The following GPHN variants were observed in gnomAD, a reference collection of about 807,000 sequenced individuals.
GPHN encodes gephyrin.
GPHN carries 17 observed loss-of-function variants against 95.5 expected under a neutral mutation model. That is an observed-to-expected ratio of 0.18 (90% CI 0.12 to 0.27). The LOEUF (loss-of-function observed/expected upper bound fraction) is 0.27, where lower values mean the gene tolerates loss of function less well. Among genes scored for constraint, GPHN ranks in the 10% least tolerant of loss-of-function variants. The probability of loss-of-function intolerance (pLI) is 1.00; values close to 1 mark genes in which losing one functional copy is unlikely to be tolerated. For missense variants in GPHN, 660 were observed against 978.1 expected, an observed-to-expected ratio of 0.67 and a Z score of 4.34; for synonymous variants, 320 against 322.5, an observed-to-expected ratio of 0.99 and a Z score of 0.08.
At chr14:67,618,120 G>A in the GPHN span, among the ~76,000 whole-genome samples, 1 of 152,208 alleles carries the variant, frequency 6.6e-6, no homozygotes, top group Admixed American at 6.5e-5. Flanking sequence ...ATTGAATGTA[G>A]TGATGGGCAA....
Position 67,076,833 on chromosome 14 carries a change from A to G in GPHN, c.1145-12150A>G, listed in dbSNP as rs563389410. On this transcript the variant is annotated intron_variant, in intron 11 of 22. Transcript: ENST00000478722. ...TTTTCCTTTCAGCATTCTATTACCTACCACACTCTTTCTCCACTCTCGATT... is the reference window on the plus strand; with the variant it reads ...TTTTCCTTTCAGCATTCTATTACCTGCCACACTCTTTCTCCACTCTCGATT... Among the ~76,000 whole-genome samples, 6 of 152,136 alleles carry G rather than the reference A, an allele frequency of 3.9e-5. No homozygotes were observed. The South Asian group carries it at 1.2e-3, about 32-fold the overall frequency.
chr14:67,350,375 C>G, the GPHN span, among the ~76,000 whole-genome samples: 4 of 151,974 alleles, frequency 2.6e-5, no homozygotes, highest in African/African-American at 9.7e-5. Flanking sequence ...TATGATACAA[C>G]GTTAAATGAA....
the GPHN span, chr14:67,208,217 A>G: frequency 6.2e-7 from 1 of 1,612,870 alleles, no homozygotes; most frequent in Non-Finnish European, 8.5e-7. Flanking sequence ...ATTGAAAAAC[A>G]TTCTGAAGCC....
chr14:67,404,641 C>A, the GPHN span, among the ~76,000 whole-genome samples: 1 of 151,816 alleles, frequency 6.6e-6, no homozygotes, highest in African/African-American at 2.4e-5. Context: ...AATACCTAGT[C>A]TCTACAAATA....
chr14:66,676,057 T>C (rs550312989), intron 1 of GPHN, among the ~76,000 whole-genome samples: 141 of 150,938 alleles, frequency 9.3e-4, no homozygotes, highest in Middle Eastern at 3.4e-3. Context: ...TACACACACA[T>C]ATATATATAT....
chr14:67,041,917 G>A (rs186873308), intron 10 of GPHN, among the ~76,000 whole-genome samples: 2 of 152,200 alleles, frequency 1.3e-5, no homozygotes, highest in Admixed American at 1.3e-4. Flanking sequence ...AACCTAACTG[G>A]TATGAGATGG....
intron 2 of GPHN, among the ~76,000 whole-genome samples, chr14:66,764,192 C>T (rs999606037): frequency 3.3e-5 from 5 of 152,122 alleles, no homozygotes; most frequent in Admixed American, 6.5e-5. Context: ...TCCATGAAAC[C>T]AGTTCCTGGT....
chr14:67,651,630 C>CTTTAGCTGT, the GPHN span: 8 of 775,654 alleles, frequency 1.0e-5, no homozygotes, highest in South Asian at 1.4e-4. Context: ...TCATAAGGTT[C>CTTTAGCTGT]TTTAGCTGTC....
At chr14:67,063,530 C>T (rs1273251099) in intron 11 of GPHN, among the ~76,000 whole-genome samples, 1 of 152,102 alleles carries the variant, frequency 6.6e-6, no homozygotes, top group Non-Finnish European at 1.5e-5. Flanking sequence ...GGCAGTATGG[C>T]CATTTTCATG....
chr14:66,567,141 A>G (rs188214528), intron 1 of GPHN, among the ~76,000 whole-genome samples: 1 of 152,132 alleles, frequency 6.6e-6, no homozygotes, highest in African/African-American at 2.4e-5. Flanking sequence ...CAGATAAAGG[A>G]TGAATAAGAA....
chr14:67,589,202 A>C, the GPHN span: 1,394 of 240,710 alleles, frequency 5.8e-3, 22 homozygotes, highest in African/African-American at 0.031. Flanking sequence ...CTGTGTTCAC[A>C]CTGAATTTGG....
chr14:67,491,078 C>T, the GPHN span, among the ~76,000 whole-genome samples: 1 of 152,200 alleles, frequency 6.6e-6, no homozygotes, highest in Non-Finnish European at 1.5e-5. Flanking sequence ...TAGATCGTCA[C>T]CTATACTTCT....
chr14:66,836,055 C>G (rs2061792109), intron 4 of GPHN, among the ~76,000 whole-genome samples: 1 of 136,262 alleles, frequency 7.3e-6, no homozygotes, highest in Non-Finnish European at 1.5e-5. Context: ...CCCCATCAAG[C>G]TACCAATGCC....
intron 8 of GPHN, among the ~76,000 whole-genome samples, chr14:66,933,353 A>C (rs2066927679): frequency 6.6e-6 from 1 of 152,240 alleles, no homozygotes; most frequent in Non-Finnish European, 1.5e-5. Flanking sequence ...GTGTGTTGTC[A>C]GTGTGTCAGA....
chr14:67,120,103 G>A (rs2078976738), intron 16 of GPHN, among the ~76,000 whole-genome samples: 1 of 147,596 alleles, frequency 6.8e-6, no homozygotes, highest in Non-Finnish European at 1.5e-5. Flanking sequence ...TCCAGCCTGT[G>A]CAACAGAATA....
Position 66,810,858 on chromosome 14 carries a change from G to A in GPHN, c.202-13616G>A, listed in dbSNP as rs371467861. 5.3e-5 allele frequency among the ~76,000 whole-genome samples: 8 copies of A among 152,056 alleles called. No individual in the cohort carries two copies. The East Asian group carries it at 7.7e-4, about 15-fold the overall frequency. The stretch of plus-strand genomic sequence containing the variant: ...CAAAGCTAGTAAGTAGACTAAAACT[G>A]GAATGGGTACCCAAGTCTGTCTTAC... On this transcript the variant is annotated intron_variant, in intron 3 of 22. Transcript: ENST00000478722.
At chr14:67,103,273 T>C (rs757215098) in intron 13 of GPHN, among the ~76,000 whole-genome samples, 9 of 152,202 alleles carry the variant, frequency 5.9e-5, no homozygotes, top group Non-Finnish European at 1.2e-4. Context: ...CTTTGTAGTA[T>C]ATTTTGATTT....
chr14:67,021,338 T>A (rs1394313446), intron 9 of GPHN, among the ~76,000 whole-genome samples: 1 of 152,070 alleles, frequency 6.6e-6, no homozygotes, highest in Non-Finnish European at 1.5e-5. Flanking sequence ...AAAGCATTGA[T>A]TATACTGCTG....
chr14:67,340,440 C>T, the GPHN span: 1 of 1,613,180 alleles, frequency 6.2e-7, no homozygotes, highest in Non-Finnish European at 8.5e-7. Context: ...TTCAACAAAC[C>T]TATAGAACTC....
Sources: gnomAD v4.1 joint callset for allele counts (sites outside exome capture counted in the v4.1 genomes callset) on GRCh38, gnomAD v4.1.1 for gene constraint, MANE v1.5 for transcripts, NCBI Gene and HGNC (gene_info 2026-07-23, HGNC 2026-07-21) for gene names.